Variants in EPS8 observed in about 807,000 individuals in gnomAD.
EPS8 encodes EGFR pathway substrate 8, signaling adaptor, also known as epidermal growth factor receptor kinase substrate 8.
Under a neutral mutation model 103.8 loss-of-function variants are expected in EPS8, and 42 were observed. The ratio of observed to expected loss-of-function variants is 0.40; its 90% CI spans 0.32 to 0.52. The LOEUF (loss-of-function observed/expected upper bound fraction) is 0.52. EPS8 is among the 20% of genes least tolerant of loss of function. The probability of loss-of-function intolerance (pLI) is 0.40; values close to 1 mark genes in which losing one functional copy is unlikely to be tolerated. For synonymous variants in EPS8, 344 were observed against 344.6 expected (o/e 1.00, Z 0.02); for missense variants, 969 against 1,005.1 (o/e 0.96, Z 0.49).
chr12:15,662,854 G>C (rs559849551), intron 8 of EPS8: 10 of 157,488 alleles, frequency 6.3e-5, no homozygotes, highest in African/African-American at 2.4e-4. Context: ...CAACAGAAAC[G>C]TAACACCACA....
chr12:15,659,694 G>C (rs948916922), intron 10 of EPS8, among the ~76,000 whole-genome samples: 5 of 152,110 alleles, frequency 3.3e-5, no homozygotes, highest in African/African-American at 7.2e-5. Flanking sequence ...TAATGAAAGG[G>C]ATATTTATTT....
rs893186227 is a variant in EPS8 at position 15,757,295 on chromosome 12, A to G, written c.-22+31866T>C. ...TCTATCCAAAATTAAACTTTCCTTC[A>G]GATTGCATATTAATAACAAAGAGGT... On this transcript the variant is annotated intron_variant, in intron 1 of 20. Transcript: ENST00000281172. The surrounding 1 kb of genome is among the most constrained non-coding windows in gnomAD (Gnocchi z 4.1). Among the ~76,000 whole-genome samples, 2 of 152,164 alleles carry G rather than the reference A, an allele frequency of 1.3e-5. No individual in the cohort carries two copies. The highest frequency in any genetic ancestry group is 2.9e-5 in the Non-Finnish European group (2 of 68,034).
rs1048634180 is a variant in EPS8 at position 15,751,784 on chromosome 12, C to T, written c.-22+37377G>A. Reference sequence around the variant, plus strand: ...TCCTTAGTATCCTTCTTACCATACTCTACTTACACCATAGCTCAGACAACA... The same window carrying T: ...TCCTTAGTATCCTTCTTACCATACTTTACTTACACCATAGCTCAGACAACA... On this transcript the variant is annotated intron_variant, in intron 1 of 20. Transcript: ENST00000281172. This position sits in a 1 kb window ranked among gnomAD's most constrained non-coding sequence, Gnocchi z 4.3. 1.3e-5 allele frequency among the ~76,000 whole-genome samples: 2 copies of T among 152,038 alleles called. No individual in the cohort carries two copies. Among genetic ancestry groups the T allele is most frequent in the Admixed American group, 1.3e-4 (2 of 15,262 alleles).
At chr12:15,676,178 C>G (rs1759314183) in intron 3 of EPS8, among the ~76,000 whole-genome samples, 1 of 139,322 alleles carries the variant, frequency 7.2e-6, no homozygotes, top group Non-Finnish European at 1.5e-5. Flanking sequence ...GAGGCTGAGA[C>G]AGGAGAATGG....
chr12:15,715,668 T>C (rs1366456657), intron 1 of EPS8, among the ~76,000 whole-genome samples: 1 of 151,896 alleles, frequency 6.6e-6, no homozygotes, highest in East Asian at 1.9e-4. Context: ...TTTGTGTTTT[T>C]AATAGAGACA....
At chr12:15,626,582 T>C (rs1164656749) in intron 18 of EPS8, among the ~76,000 whole-genome samples, 3 of 132,454 alleles carry the variant, frequency 2.3e-5, no homozygotes, top group African/African-American at 8.8e-5. Context: ...TGTGCCAAGA[T>C]AGCGCCACTG....
chr12:15,643,458 G>A (rs1945265742), intron 15 of EPS8, among the ~76,000 whole-genome samples: 1 of 152,040 alleles, frequency 6.6e-6, no homozygotes, highest in South Asian at 2.1e-4. Flanking sequence ...AGACTTTCTT[G>A]GCCAGGCGTG....
At chr12:15,773,269 A>T (rs1947173309) in intron 1 of EPS8, among the ~76,000 whole-genome samples, 1 of 152,194 alleles carries the variant, frequency 6.6e-6, no homozygotes, top group Non-Finnish European at 1.5e-5. Flanking sequence ...TACATTTTGC[A>T]ATAGAGGCCT....
chr12:15,788,886 G>GC (rs1947338273), intron 1 of EPS8, among the ~76,000 whole-genome samples: 1 of 152,152 alleles, frequency 6.6e-6, no homozygotes, highest in Admixed American at 6.5e-5. Context: ...ATATCACTGG[G>GC]CCACGGCGAA....
chr12:15,640,672 A>C (rs1159673455), intron 17 of EPS8, 31 bp downstream of exon 17: 1 of 1,597,348 alleles, frequency 6.3e-7, no homozygotes, highest in East Asian at 2.2e-5. Context: ...AAATGTGTAC[A>C]TACTACATTT....
intron 1 of EPS8, among the ~76,000 whole-genome samples, chr12:15,753,372 G>T (rs1464921602): frequency 1.3e-5 from 2 of 152,158 alleles, no homozygotes; most frequent in Non-Finnish European, 2.9e-5. Context: ...CAAGGTCTTT[G>T]TGTCTTTTTC....
At position 15,706,960 on chromosome 12, in the gene EPS8, T is replaced by C. The variant is rs1433950309; in HGVS notation, c.-21-23988A>G. Among the ~76,000 whole-genome samples, 1 of 152,206 alleles carries C rather than the reference T, an allele frequency of 6.6e-6. No individual in the cohort carries two copies. Among genetic ancestry groups the C allele is most frequent in the Non-Finnish European group, 1.5e-5 (1 of 68,022 alleles). On this transcript the variant is annotated intron_variant, in intron 1 of 20. Coordinates refer to ENST00000281172, the MANE Select transcript of EPS8 (RefSeq NM_004447.6). The surrounding 1 kb of genome is among the most constrained non-coding windows in gnomAD (Gnocchi z 5.2). ...TAAAACTTTAGGCTTACTTAGCCTC[T>C]ATGAGCCTAGTTTCTTCATTTGTAA...
At position 15,778,909 on chromosome 12, in the gene EPS8, T is replaced by C. The variant is rs2136052082; in HGVS notation, c.-22+10252A>G. 6.6e-6 allele frequency among the ~76,000 whole-genome samples: 1 copy of C among 152,296 alleles called. No homozygotes were observed. Among genetic ancestry groups the C allele is most frequent in the Non-Finnish European group, 1.5e-5 (1 of 68,028 alleles). On this transcript the variant is annotated intron_variant, in intron 1 of 20. Transcript: ENST00000281172. The surrounding 1 kb of genome is among the most constrained non-coding windows in gnomAD (Gnocchi z 4.5). ...TTACCAAGTTACTCACAAAATTAATTTCAAGAAATCCAAGTCCCCAAAAAA... is the reference window on the plus strand; with the variant it reads ...TTACCAAGTTACTCACAAAATTAATCTCAAGAAATCCAAGTCCCCAAAAAA...
Position 15,787,173 on chromosome 12 carries a change from C to A in EPS8, c.-22+1988G>T, listed in dbSNP as rs779827105. ...AAACCTTGGTTCAAGTGACCTGCTG[C>A]AGAATTAAAAGAGGTATGTAAAAGA... On this transcript the variant is annotated intron_variant, in intron 1 of 20. Transcript: ENST00000281172. The surrounding 1 kb of genome is among the most constrained non-coding windows in gnomAD (Gnocchi z 4.9). Among the ~76,000 whole-genome samples, 7 of 151,894 alleles carry A rather than the reference C, an allele frequency of 4.6e-5. No homozygotes were observed. Among genetic ancestry groups the A allele is most frequent in the Non-Finnish European group, 8.8e-5 (6 of 67,962 alleles).
At chr12:15,655,289 CA>C (rs751241719) in intron 12 of EPS8, among the ~76,000 whole-genome samples, 3 of 152,178 alleles carry the variant, frequency 2.0e-5, no homozygotes, top group Admixed American at 6.5e-5. Context: ...GTCCTCTAAA[CA>C]ATTTATGCAT....
chr12:15,757,270 T>C lies in EPS8; in HGVS notation c.-22+31891A>G, dbSNP rs1168895549. 1.3e-5 allele frequency among the ~76,000 whole-genome samples: 2 copies of C among 152,180 alleles called. No individual in the cohort carries two copies. The highest frequency in any genetic ancestry group is 4.8e-5 in the African/African-American group (2 of 41,434). Reference sequence around the variant, plus strand: ...GACAAGAAACTTGGTGGAAGCTGATTCTATCCAAAATTAAACTTTCCTTCA... The same window carrying C: ...GACAAGAAACTTGGTGGAAGCTGATCCTATCCAAAATTAAACTTTCCTTCA... On this transcript the variant is annotated intron_variant, in intron 1 of 20. Transcript: ENST00000281172. This position sits in a 1 kb window ranked among gnomAD's most constrained non-coding sequence, Gnocchi z 4.1.
chr12:15,775,570 G>A (rs557763449), intron 1 of EPS8, among the ~76,000 whole-genome samples: 80 of 152,162 alleles, frequency 5.3e-4, no homozygotes, highest in African/African-American at 1.9e-3. Context: ...CATTTGAATA[G>A]GAAAAAATGT....
intron 17 of EPS8, among the ~76,000 whole-genome samples, chr12:15,633,267 A>G (rs1945080297): frequency 6.6e-6 from 1 of 152,230 alleles, no homozygotes; most frequent in Non-Finnish European, 1.5e-5. Context: ...AATACAGCAA[A>G]CATCACCAGA....
intron 3 of EPS8, among the ~76,000 whole-genome samples, chr12:15,674,885 A>G (rs931868900): frequency 5.9e-5 from 9 of 152,220 alleles, no homozygotes; most frequent in Non-Finnish European, 1.2e-4. Flanking sequence ...TCTTTAAGTA[A>G]AATACACACT....
Sources: allele counts gnomAD v4.1 joint callset (sites outside exome capture counted in the v4.1 genomes callset), GRCh38; gene constraint gnomAD v4.1.1; non-coding constraint Gnocchi (gnomAD v3.1); transcripts MANE v1.5; gene names NCBI Gene and HGNC (gene_info 2026-07-23, HGNC 2026-07-21).